The following WDR20 variants were observed in gnomAD, a reference collection of about 807,000 sequenced individuals.
The protein encoded by WDR20 is WD repeat-containing protein 20.
Under a neutral mutation model 38.7 loss-of-function variants are expected in WDR20, and 3 were observed. The observed-to-expected ratio is 0.08, with a 90% CI of 0.04 to 0.20. The LOEUF is 0.20. Ranked by LOEUF, WDR20 falls within the 10% of genes least tolerant of loss-of-function variation. WDR20 has a pLI of 1.00. For synonymous variants in WDR20, 298 were observed against 285.6 expected (o/e 1.04, Z -0.44); for missense variants, 559 against 727.7 (o/e 0.77, Z 2.67).
At chr14:102,194,489 G>A (rs2059084197) in intron 1 of WDR20, among the ~76,000 whole-genome samples, 1 of 152,180 alleles carries the variant, frequency 6.6e-6, no homozygotes. Context: ...TGCTGCTTCT[G>A]GTTTGGGGAT....
intron 2 of WDR20, chr14:102,198,219 C>T (rs986178296): frequency 2.2e-5 from 5 of 232,482 alleles, no homozygotes; most frequent in Non-Finnish European, 3.6e-5. Flanking sequence ...ACCTTCACCT[C>T]CCAGGTTCAA....
chr14:102,185,619 C>T (rs1007137044), intron 1 of WDR20, among the ~76,000 whole-genome samples: 5 of 151,946 alleles, frequency 3.3e-5, no homozygotes, highest in African/African-American at 1.2e-4. Context: ...AGGTTTGTAG[C>T]GAGGTTTCAA....
intron 1 of WDR20, among the ~76,000 whole-genome samples, chr14:102,160,152 A>G (rs1254720809): frequency 6.8e-6 from 1 of 146,386 alleles, no homozygotes; most frequent in African/African-American, 2.7e-5. Flanking sequence ...TCTTCTTGCT[A>G]TCTGTTTTAA....
rs2063752900 is a variant in WDR20 at position 102,220,439 on chromosome 14, A to G, written c.1693-2391A>G. On this transcript the variant is annotated intron_variant, in intron 3 of 3. Coordinates refer to the WDR20 transcript ENST00000335263. The surrounding 1 kb of genome is among the most constrained non-coding windows in gnomAD (Gnocchi z 4.2). ...AAACATCTTCAGTTAAAATATTAAA[A>G]TTGGCCAGGTGCGGTGGCTCACGCC... Among the ~76,000 whole-genome samples the G allele has an allele frequency of 6.6e-6, 1 of 152,252 alleles. No individual in the cohort carries two copies. The highest frequency in any genetic ancestry group is 1.5e-5 in the Non-Finnish European group (1 of 68,040).
chr14:102,173,412 C>G (rs182716062), intron 1 of WDR20, among the ~76,000 whole-genome samples: 41 of 149,648 alleles, frequency 2.7e-4, no homozygotes, highest in South Asian at 2.7e-3. Flanking sequence ...CCGCGCCCGG[C>G]CTGTTTTTTT....
rs143389910 is a variant in WDR20, at chr14:102,146,717, A to G, written c.249+6545A>G. Among the ~76,000 whole-genome samples the G allele has an allele frequency of 3.2e-4, 49 of 152,254 alleles. 1 individual carries two copies. The highest frequency in any genetic ancestry group is 1.2e-3 in the African/African-American group (48 of 41,552). ...GGAGGGTGAACTAGATGCCTTTAAA[A>G]AAAATTTCCCCCCCACAGACTTGTT... On this transcript the variant is annotated intron_variant, in intron 1 of 2. Transcript: ENST00000342702.
intron 2 of WDR20, among the ~76,000 whole-genome samples, chr14:102,203,058 G>A (rs1006819136): frequency 1.3e-5 from 2 of 152,206 alleles, no homozygotes; most frequent in Non-Finnish European, 2.9e-5. Flanking sequence ...GGCATGGACA[G>A]TTGTCATAGC....
At chr14:102,214,054 A>T, downstream of WDR20, 1 of 985,330 alleles carries the variant, frequency 1.0e-6, no homozygotes, top group Non-Finnish European at 1.2e-6. Context: ...TGGGGGAGGG[A>T]CTGGCCTCTG....
chr14:102,171,638 C>T (rs1004851316), intron 1 of WDR20: 1 of 151,676 alleles, frequency 6.6e-6, no homozygotes, highest in African/African-American at 2.4e-5. Flanking sequence ...TTAGCTATGC[C>T]CTGTGTACTT....
chr14:102,219,401 G>T (rs997620977), downstream of WDR20, among the ~76,000 whole-genome samples: 1 of 152,246 alleles, frequency 6.6e-6, no homozygotes, highest in African/African-American at 2.4e-5. Context: ...CCGGAGTGCT[G>T]TGTCGCACCC....
At position 102,209,625 on chromosome 14, in the gene WDR20, A is replaced by T. The variant is rs1567074374; in HGVS notation, c.1455A>T (p.Gly485=). The change falls in exon 3 of 3, where the codon GGA becomes GGT. Residue 485 remains glycine, a synonymous_variant. Coordinates refer to ENST00000342702, the MANE Select transcript of WDR20 (RefSeq NM_144574.4). This position sits in a 1 kb window ranked among gnomAD's most constrained non-coding sequence, Gnocchi z 6.0. ...EKDHKRNHSM[G]HISSKSSDKL... ...ATCACAAGCGAAATCATAGCATGGG[A>T]CACATTTCTAGCAAGAGCAGTGACA... The T allele has an allele frequency of 1.2e-6, 2 of 1,614,216 alleles. No homozygotes were observed.
At chr14:102,146,853 C>T (rs1348655948) in intron 1 of WDR20, among the ~76,000 whole-genome samples, 1 of 152,158 alleles carries the variant, frequency 6.6e-6, no homozygotes, top group Admixed American at 6.5e-5. Flanking sequence ...GTTTAGAAGT[C>T]TGTAACTTTT....
At chr14:102,155,579 A>G (rs1398513300) in intron 1 of WDR20, among the ~76,000 whole-genome samples, 1 of 152,238 alleles carries the variant, frequency 6.6e-6, no homozygotes, top group Non-Finnish European at 1.5e-5. Context: ...TGTCTGCTCT[A>G]TTAGACAGCA....
intron 2 of WDR20, among the ~76,000 whole-genome samples, chr14:102,204,369 T>C (rs1319693268): frequency 6.6e-6 from 1 of 152,190 alleles, no homozygotes; most frequent in Non-Finnish European, 1.5e-5. Flanking sequence ...CTATTCAACA[T>C]TGAAATCACT....
At chr14:102,198,330 C>A (rs1394354521) in intron 2 of WDR20, 1 of 305,448 alleles carries the variant, frequency 3.3e-6, no homozygotes, top group South Asian at 2.5e-5. Flanking sequence ...GTTGGCCAGG[C>A]TAGTCTGGAA....
rs1249231591 is a variant in WDR20 at position 102,172,303 on chromosome 14, G to A, written c.250-22635G>A. On this transcript the variant is annotated intron_variant, in intron 1 of 2. Coordinates refer to ENST00000342702, the MANE Select transcript of WDR20 (RefSeq NM_144574.4). Reference sequence around the variant, plus strand: ...ACAAAATGAAAAGTCTCCCATGTCTGCTTCTTTCCACACAGACACAGCAAC... The same window carrying A: ...ACAAAATGAAAAGTCTCCCATGTCTACTTCTTTCCACACAGACACAGCAAC... Among the ~76,000 whole-genome samples, 1,139 of 147,712 alleles carry A rather than the reference G, an allele frequency of 7.7e-3. 24 individuals carry two copies. Among genetic ancestry groups the A allele is most frequent in the African/African-American group, 0.026 (1,057 of 40,126 alleles).
intron 1 of WDR20, among the ~76,000 whole-genome samples, chr14:102,182,294 C>T (rs1390385196): frequency 6.6e-6 from 1 of 152,190 alleles, no homozygotes; most frequent in Non-Finnish European, 1.5e-5. Flanking sequence ...GTGAACTGTT[C>T]TAACACTGAA....
chr14:102,172,372 T>C (rs1245005717), intron 1 of WDR20, among the ~76,000 whole-genome samples: 1 of 151,314 alleles, frequency 6.6e-6, no homozygotes, highest in Non-Finnish European at 1.5e-5. Context: ...CCGCTTTCTA[T>C]TCCACAAAAC....
chr14:102,175,723 T>G (rs2061911783), intron 1 of WDR20, among the ~76,000 whole-genome samples: 1 of 152,246 alleles, frequency 6.6e-6, no homozygotes, highest in Admixed American at 6.5e-5. Context: ...GTGATTTCTT[T>G]TAGCAGTGTC....
Sources: allele counts gnomAD v4.1 joint callset (sites outside exome capture counted in the v4.1 genomes callset), GRCh38; gene constraint gnomAD v4.1.1; non-coding constraint Gnocchi (gnomAD v3.1); transcripts MANE v1.5; gene names NCBI Gene and HGNC (gene_info 2026-07-23, HGNC 2026-07-21).